Variants in TENM2 observed in about 807,000 individuals in gnomAD.
TENM2 encodes teneurin transmembrane protein 2.
Under a neutral mutation model 245.2 loss-of-function variants are expected in TENM2, and 52 were observed. The observed-to-expected ratio is 0.21, with a 90% CI of 0.17 to 0.27. The LOEUF (loss-of-function observed/expected upper bound fraction) is 0.27. TENM2 is among the 10% of genes least tolerant of loss of function. The pLI is 1.00. For synonymous variants in TENM2, 1,363 were observed against 1,438.9 expected, an observed-to-expected ratio of 0.95 and a Z score of 1.19; for missense variants, 3,046 against 3,666.8, an observed-to-expected ratio of 0.83 and a Z score of 4.37.
In TENM2 at chr5:168,166,670, A is replaced by C. The variant is rs141038707; in HGVS notation, c.2569+3913A>C. On this transcript the variant is annotated intron_variant, in intron 13 of 28. Coordinates refer to ENST00000518659, the Ensembl canonical transcript of TENM2. ...GTGCTGACGCAGGGGACGCTGATGC[A>C]GGTCCTCTTTGAGAACCACTGTCCT... is the stretch of plus-strand genomic sequence containing the variant. Among the ~76,000 whole-genome samples, 4 of 152,354 alleles carry C rather than the reference A, an allele frequency of 2.6e-5. No individual in the cohort carries two copies. The East Asian group carries it at 7.7e-4, about 29-fold the overall frequency.
chr5:167,108,243 A>C, the TENM2 span, among the ~76,000 whole-genome samples: 1 of 152,152 alleles, frequency 6.6e-6, no homozygotes, highest in Non-Finnish European at 1.5e-5. Context: ...CTCATGCCTC[A>C]GTGTCCTGAG....
At chr5:167,068,393 C>G in the TENM2 span, among the ~76,000 whole-genome samples, 1 of 152,012 alleles carries the variant, frequency 6.6e-6, no homozygotes, top group South Asian at 2.1e-4. Flanking sequence ...GAGCCACATG[C>G]GTTATTGTAA....
intron 2 of TENM2, among the ~76,000 whole-genome samples, chr5:167,539,900 T>A (rs574058316): frequency 6.6e-6 from 1 of 152,276 alleles, no homozygotes. Flanking sequence ...CATTTCAGCT[T>A]CAAAATGTTT....
chr5:167,660,605 G>C (rs1217510760), intron 2 of TENM2: 2 of 151,022 alleles, frequency 1.3e-5, no homozygotes, highest in Non-Finnish European at 2.9e-5. Flanking sequence ...ACATATTAAA[G>C]GCTCTAAGAA....
At chr5:167,303,032 G>A (rs762240279) in intron 1 of TENM2, 1 of 152,754 alleles carries the variant, frequency 6.5e-6, no homozygotes, top group Non-Finnish European at 1.5e-5. Flanking sequence ...AGAGAAGGGA[G>A]AGATTGAAGG....
intron 28 of TENM2, 30 bp from the exon 31 acceptor site, chr5:168,262,019 T>C (rs1430034531): frequency 1.7e-5 from 28 of 1,600,310 alleles, no homozygotes; most frequent in Non-Finnish European, 2.4e-5. Flanking sequence ...GCTCATCTTC[T>C]CAGCTTTCTC....
intron 7 of TENM2, among the ~76,000 whole-genome samples, chr5:168,090,365 ATAG>A (rs956323183): frequency 6.6e-6 from 1 of 152,186 alleles, no homozygotes; most frequent in African/African-American, 2.4e-5. Context: ...AAAAGTATTA[ATAG>A]TAGCAATAAT....
intron 2 of TENM2, among the ~76,000 whole-genome samples, chr5:167,785,839 G>A (rs1368203347): frequency 6.6e-6 from 1 of 152,196 alleles, no homozygotes; most frequent in African/African-American, 2.4e-5. Flanking sequence ...ATGTAGGTTG[G>A]TGTGAGACAG....
At chr5:167,658,406 T>C (rs1653931457) in intron 2 of TENM2, among the ~76,000 whole-genome samples, 1 of 151,982 alleles carries the variant, frequency 6.6e-6, no homozygotes. Context: ...TGGGGTTTCA[T>C]AATGTTGGTC....
chr5:167,096,468 T>A, the TENM2 span, among the ~76,000 whole-genome samples: 14 of 152,200 alleles, frequency 9.2e-5, no homozygotes, highest in Non-Finnish European at 2.1e-4. Context: ...CCACATACCT[T>A]CTGATCTGAT....
At chr5:166,997,056 A>G in the TENM2 span, among the ~76,000 whole-genome samples, 1 of 152,162 alleles carries the variant, frequency 6.6e-6, no homozygotes, top group Admixed American at 6.5e-5. Flanking sequence ...GAAAAGGGAA[A>G]CCAGATTCAC....
intron 2 of TENM2, among the ~76,000 whole-genome samples, chr5:167,853,307 A>G (rs1291636422): frequency 7.2e-6 from 1 of 139,108 alleles, no homozygotes; most frequent in Non-Finnish European, 1.6e-5. Context: ...AAAAAAAAAA[A>G]AAAAAGAAAG....
intron 2 of TENM2, among the ~76,000 whole-genome samples, chr5:167,611,016 A>G (rs1285646833): frequency 6.6e-6 from 1 of 152,196 alleles, no homozygotes. Context: ...CTGCTGTTTT[A>G]ATGTAGATTA....
intron 12 of TENM2, among the ~76,000 whole-genome samples, chr5:168,154,147 T>A (rs68177210): frequency 0.16 from 13,937 of 84,772 alleles, 1,753 homozygotes; most frequent in African/African-American, 0.29. Flanking sequence ...TCACCTACTT[T>A]AAAAAAAAAA....
At chr5:167,831,649 C>G (rs1466263953) in intron 2 of TENM2, among the ~76,000 whole-genome samples, 1 of 152,068 alleles carries the variant, frequency 6.6e-6, no homozygotes, top group Non-Finnish European at 1.5e-5. Flanking sequence ...CCATTTTGCA[C>G]AGGAAATAAG....
intron 2 of TENM2, among the ~76,000 whole-genome samples, chr5:167,475,179 T>G (rs1767290447): frequency 1.3e-5 from 2 of 152,192 alleles, no homozygotes; most frequent in South Asian, 4.1e-4. Context: ...TAACATAACT[T>G]ATACTGAAAA....
intron 13 of TENM2, among the ~76,000 whole-genome samples, chr5:168,185,648 TAA>T (rs11307340): frequency 4.2e-4 from 63 of 150,174 alleles, no homozygotes; most frequent in South Asian, 1.5e-3. Context: ...ATCTTTAAAT[TAA>T]AAAAAAAAAT....
chr5:167,552,791 C>A (rs1773035783), intron 2 of TENM2, among the ~76,000 whole-genome samples: 1 of 152,196 alleles, frequency 6.6e-6, no homozygotes, highest in African/African-American at 2.4e-5. Context: ...AGAGGAGTTA[C>A]ATTCTTAAAC....
the TENM2 span, among the ~76,000 whole-genome samples, chr5:167,004,598 T>C: frequency 1.3e-5 from 2 of 152,252 alleles, no homozygotes; most frequent in African/African-American, 2.4e-5. Context: ...TAGAATTCTT[T>C]GTGTTTAAAA....
Sources: gnomAD v4.1 joint callset for allele counts (sites outside exome capture counted in the v4.1 genomes callset) on GRCh38, gnomAD v4.1.1 for gene constraint, MANE v1.5 for transcripts, NCBI Gene and HGNC (gene_info 2026-07-23, HGNC 2026-07-21) for gene names.